The following RBFOX1 variants were observed in gnomAD, a reference collection of about 807,000 sequenced individuals.
The protein encoded by RBFOX1 is RNA binding fox-1 homolog 1.
Under a neutral mutation model 57.7 loss-of-function variants are expected in RBFOX1, and 8 were observed. The ratio of observed to expected loss-of-function variants is 0.14; its 90% CI spans 0.08 to 0.25. The LOEUF (loss-of-function observed/expected upper bound fraction) is 0.25. Ranked by LOEUF, RBFOX1 falls within the 10% of genes least tolerant of loss-of-function variation. The pLI is 1.00. For synonymous variants in RBFOX1, 326 were observed against 222.4 expected (o/e 1.47, Z -4.15); for missense variants, 611 against 548.5 (o/e 1.11, Z -1.14).
chr16:5,870,274 C>A (rs139491900), intron 4 of RBFOX1, among the ~76,000 whole-genome samples: 742 of 150,294 alleles, frequency 4.9e-3, no homozygotes, highest in Middle Eastern at 0.014. Context: ...ATGTCCAACA[C>A]TCTCATCTGG....
At chr16:5,684,552 G>A (rs1390184562) in intron 3 of RBFOX1, among the ~76,000 whole-genome samples, 2 of 152,042 alleles carry the variant, frequency 1.3e-5, no homozygotes, top group African/African-American at 4.8e-5. Flanking sequence ...CATTTCTCTT[G>A]GTTCCCTCAA....
intron 5 of RBFOX1, among the ~76,000 whole-genome samples, chr16:7,543,841 C>G (rs2083672067): frequency 2.0e-5 from 3 of 152,124 alleles, no homozygotes; most frequent in Admixed American, 6.5e-5. Flanking sequence ...CTGCCTCACT[C>G]TCCCGAGTAG....
intron 2 of RBFOX1, among the ~76,000 whole-genome samples, chr16:5,584,897 C>A (rs2046783578): frequency 6.6e-6 from 1 of 152,052 alleles, no homozygotes; most frequent in South Asian, 2.1e-4. Flanking sequence ...GTGTAGAAAT[C>A]TGTGGTTTTA....
At position 6,852,261 on chromosome 16, in the gene RBFOX1, G is replaced by T. The variant is rs542148576; in HGVS notation, c.-16+197611G>T. On this transcript the variant is annotated intron_variant, in intron 3 of 15. Transcript: ENST00000550418. ...CTACATGACTGCAGTCTCTGCCTCT[G>T]TGTTCTTGCTGTCTTCCGTTCTGTG... 1.3e-4 allele frequency among the ~76,000 whole-genome samples: 20 copies of T among 152,192 alleles called. No homozygotes were observed. In the South Asian group the frequency reaches 3.7e-3, roughly 28 times the overall value.
chr16:5,901,427 C>T (rs926399911), intron 4 of RBFOX1, among the ~76,000 whole-genome samples: 7 of 152,194 alleles, frequency 4.6e-5, no homozygotes, highest in African/African-American at 7.2e-5. Flanking sequence ...TAACTCCTAG[C>T]TTAAGCTCAA....
intron 1 of RBFOX1, among the ~76,000 whole-genome samples, chr16:6,060,615 A>C (rs573718556): frequency 6.6e-6 from 1 of 152,162 alleles, no homozygotes; most frequent in Non-Finnish European, 1.5e-5. Context: ...AGTTCTCCAC[A>C]TGCATGTGTT....
At chr16:7,553,219 A>C in intron 5 of RBFOX1, among the ~76,000 whole-genome samples, 1 of 152,076 alleles carries the variant, frequency 6.6e-6, no homozygotes, top group East Asian at 1.9e-4. Context: ...ATCATAGCTC[A>C]CTTCAGCCTC....
At chr16:7,440,526 C>G (rs914477638) in intron 4 of RBFOX1, among the ~76,000 whole-genome samples, 2 of 152,058 alleles carry the variant, frequency 1.3e-5, no homozygotes, top group Non-Finnish European at 2.9e-5. Flanking sequence ...GGCATTTGAG[C>G]TGGGTCAGTG....
chr16:7,392,309 G>C (rs975996413), intron 4 of RBFOX1, among the ~76,000 whole-genome samples: 2 of 152,058 alleles, frequency 1.3e-5, no homozygotes, highest in African/African-American at 2.4e-5. Context: ...TTTCCCTCCA[G>C]ATCACGTCCC....
chr16:5,512,355 C>A (rs2043624889), intron 2 of RBFOX1, among the ~76,000 whole-genome samples: 1 of 151,820 alleles, frequency 6.6e-6, no homozygotes, highest in African/African-American at 2.4e-5. Flanking sequence ...AATCAATTTC[C>A]CTCCCTCCCT....
At chr16:5,344,152 T>C (rs535413354) in intron 1 of RBFOX1, among the ~76,000 whole-genome samples, 3 of 152,236 alleles carry the variant, frequency 2.0e-5, no homozygotes, top group African/African-American at 7.2e-5. Flanking sequence ...TCTTTACCTT[T>C]GGTATTTCTG....
At chr16:7,636,389 A>G (rs1181792692) in intron 11 of RBFOX1, among the ~76,000 whole-genome samples, 3 of 152,216 alleles carry the variant, frequency 2.0e-5, no homozygotes, top group Non-Finnish European at 4.4e-5. Flanking sequence ...TTGAATTTCC[A>G]GTATACATCT....
At chr16:6,667,844 G>T (rs552616086) in intron 3 of RBFOX1, among the ~76,000 whole-genome samples, 1 of 151,708 alleles carries the variant, frequency 6.6e-6, no homozygotes, top group African/African-American at 2.4e-5. Flanking sequence ...ACCTATAGTC[G>T]TACCACCACA....
At chr16:5,427,474 A>G (rs559261) in intron 1 of RBFOX1, among the ~76,000 whole-genome samples, 75,590 of 151,968 alleles carry the variant, frequency 0.5, 20,725 homozygotes, top group East Asian at 0.63. Flanking sequence ...AACCCCAGCT[A>G]CTGGGAAGGC....
intron 1 of RBFOX1, among the ~76,000 whole-genome samples, chr16:5,283,205 T>C (rs556829564): frequency 1.3e-5 from 2 of 152,288 alleles, no homozygotes; most frequent in East Asian, 1.9e-4. Flanking sequence ...AGAAGATGTA[T>C]GGAAATGCCT....
chr16:6,101,833 C>G (rs369090220), intron 1 of RBFOX1, among the ~76,000 whole-genome samples: 155 of 152,298 alleles, frequency 1.0e-3, no homozygotes, highest in African/African-American at 2.5e-3. Flanking sequence ...CACAGCTGCC[C>G]TTGCCCTCAT....
intron 4 of RBFOX1, among the ~76,000 whole-genome samples, chr16:7,478,026 C>A (rs1567388695): frequency 6.6e-6 from 1 of 152,170 alleles, no homozygotes. Flanking sequence ...TGTTTTAAAG[C>A]CATGGAGAAA....
chr16:7,249,583 T>C (rs2094435164), intron 4 of RBFOX1, among the ~76,000 whole-genome samples: 1 of 147,130 alleles, frequency 6.8e-6, no homozygotes, highest in Non-Finnish European at 1.5e-5. Context: ...AATTTCCTTC[T>C]TCATAGGCTT....
intron 3 of RBFOX1, among the ~76,000 whole-genome samples, chr16:6,980,277 G>T (rs908684476): frequency 6.6e-6 from 1 of 152,200 alleles, no homozygotes; most frequent in Non-Finnish European, 1.5e-5. Flanking sequence ...GTGTGAGTGT[G>T]TGCGTTTATG....
Sources: gnomAD v4.1 joint callset for allele counts (sites outside exome capture counted in the v4.1 genomes callset) on GRCh38, gnomAD v4.1.1 for gene constraint, MANE v1.5 for transcripts, NCBI Gene and HGNC (gene_info 2026-07-23, HGNC 2026-07-21) for gene names.